LRFN5: variants seen among roughly 807,000 people sequenced by gnomAD.
The protein encoded by LRFN5 is leucine rich repeat and fibronectin type III domain containing 5.
LRFN5 carries 24 observed loss-of-function variants against 45.6 expected under a neutral mutation model. That is an observed-to-expected ratio of 0.53 (90% confidence interval 0.38 to 0.74). LRFN5 has a LOEUF of 0.74. LRFN5 is among the 30% of genes least tolerant of loss of function. LRFN5 has a pLI of 0.00. For synonymous variants in LRFN5, 340 were observed against 313.8 expected, an observed-to-expected ratio of 1.08 and a Z score of -0.88; for missense variants, 776 against 861.5, an observed-to-expected ratio of 0.90 and a Z score of 1.24.
chr14:41,723,140 A>G (rs376231347), intron 1 of LRFN5, among the ~76,000 whole-genome samples: 1 of 152,248 alleles, frequency 6.6e-6, no homozygotes, highest in Admixed American at 6.5e-5. Flanking sequence ...GCTCCACAAG[A>G]ATGGTGGGGT....
chr14:41,637,132 A>C (rs928941775), intron 1 of LRFN5, among the ~76,000 whole-genome samples: 1 of 152,114 alleles, frequency 6.6e-6, no homozygotes, highest in East Asian at 1.9e-4. Flanking sequence ...CATTCTGTAG[A>C]TATGCTTGAG....
intron 2 of LRFN5, among the ~76,000 whole-genome samples, chr14:41,846,041 A>C (rs1998553): frequency 0.11 from 15,917 of 141,442 alleles, 1,913 homozygotes; most frequent in East Asian, 0.46. Flanking sequence ...AAAACTAAAA[A>C]ACTGTACAGA....
At chr14:41,653,671 A>T (rs530765122) in intron 1 of LRFN5, among the ~76,000 whole-genome samples, 190 of 152,210 alleles carry the variant, frequency 1.2e-3, no homozygotes, top group Middle Eastern at 3.5e-3. Context: ...GCAGGAGAGT[A>T]ACTGGTCTGC....
At chr14:41,903,670 A>G (rs1302188443) in intron 5 of LRFN5, among the ~76,000 whole-genome samples, 3 of 151,818 alleles carry the variant, frequency 2.0e-5, no homozygotes, top group Non-Finnish European at 2.9e-5. Context: ...TGGGTGAAAA[A>G]CTGATTAGTT....
intron 2 of LRFN5, among the ~76,000 whole-genome samples, chr14:41,850,144 T>TTATGTACATGTATACTACTTGGAGC (rs1397447193): frequency 6.6e-6 from 1 of 151,948 alleles, no homozygotes; most frequent in African/African-American, 2.4e-5. Context: ...AGTGCATGTA[T>TTATGTACATGTATACTACTTGGAGC]TATGTACATG....
chr14:41,811,983 T>C (rs944507677), intron 2 of LRFN5, among the ~76,000 whole-genome samples: 3 of 152,150 alleles, frequency 2.0e-5, no homozygotes, highest in Admixed American at 1.3e-4. Context: ...ATATGGAGTA[T>C]AAGATAATTC....
At chr14:41,622,123 C>A (rs1178393597) in intron 1 of LRFN5, among the ~76,000 whole-genome samples, 4 of 117,228 alleles carry the variant, frequency 3.4e-5, no homozygotes, top group Non-Finnish European at 7.5e-5. Flanking sequence ...CTCTTTCCAT[C>A]CCTCTTTTTT....
chr14:41,837,872 TTC>T (rs1888716106), intron 2 of LRFN5, among the ~76,000 whole-genome samples: 1 of 152,224 alleles, frequency 6.6e-6, no homozygotes, highest in African/African-American at 2.4e-5. Context: ...TCTAATTTAA[TTC>T]TCTTTTATGG....
Position 41,829,779 on chromosome 14 carries a change from CT to C in LRFN5, c.-20-56820del, listed in dbSNP as rs1327542819. Among the ~76,000 whole-genome samples the C allele has an allele frequency of 2.0e-5, 3 of 151,284 alleles. No individual in the cohort carries two copies. In the East Asian group the frequency reaches 5.8e-4, roughly 29 times the overall value. On this transcript the variant is annotated intron_variant, in intron 2 of 5. Coordinates refer to ENST00000298119, the MANE Select transcript of LRFN5 (RefSeq NM_152447.5). Reference sequence around the variant, plus strand: ...TTTTTTGAACTTTCTGATTCCACACCTTTTTTTAGTAATACTTTTTTTTTAA... The same window carrying C: ...TTTTTTGAACTTTCTGATTCCACACCTTTTTTAGTAATACTTTTTTTTTAA...
chr14:41,881,588 T>C (rs1447592337), intron 2 of LRFN5, among the ~76,000 whole-genome samples: 1 of 152,104 alleles, frequency 6.6e-6, no homozygotes, highest in African/African-American at 2.4e-5. Flanking sequence ...ACTTCTACTA[T>C]TTATTCTGCC....
intron 3 of LRFN5, 38 bp from the exon 4 acceptor site, chr14:41,891,212 T>C (rs1359060510): frequency 6.5e-7 from 1 of 1,527,752 alleles, no homozygotes; most frequent in African/African-American, 1.4e-5. Flanking sequence ...GTGTTTTGTT[T>C]TGTTATTAAT....
intron 1 of LRFN5, among the ~76,000 whole-genome samples, chr14:41,673,005 T>C (rs1881308537): frequency 6.6e-6 from 1 of 152,018 alleles, no homozygotes; most frequent in Non-Finnish European, 1.5e-5. Flanking sequence ...AAGTTAAATA[T>C]ATGAGATTTT....
chr14:41,677,518 G>A (rs963368271), intron 1 of LRFN5, among the ~76,000 whole-genome samples: 2 of 152,016 alleles, frequency 1.3e-5, no homozygotes, highest in Admixed American at 6.6e-5. Context: ...TAATGGAAAT[G>A]CCTCATAAAA....
rs1885167229 is a variant in LRFN5, at chr14:41,752,266, T to C, written c.-196-14588T>C. Among the ~76,000 whole-genome samples, 3 of 152,288 alleles carry C rather than the reference T, an allele frequency of 2.0e-5. No individual in the cohort carries two copies. The South Asian group carries it at 6.2e-4, about 32-fold the overall frequency. ...TTATAGCAGCATGTTTTATAATCCTTTGAGTATATATCCAGTAATAGGATG... is the reference window on the plus strand; with the variant it reads ...TTATAGCAGCATGTTTTATAATCCTCTGAGTATATATCCAGTAATAGGATG... On this transcript the variant is annotated intron_variant, in intron 1 of 5. Transcript: ENST00000298119.
intron 2 of LRFN5, among the ~76,000 whole-genome samples, chr14:41,822,690 G>T (rs1239814623): frequency 4.6e-5 from 7 of 151,968 alleles, no homozygotes; most frequent in Non-Finnish European, 1.0e-4. Flanking sequence ...TAAGTACTCT[G>T]TTTCCTTGTT....
chr14:41,737,460 C>T (rs1375111040), intron 1 of LRFN5, among the ~76,000 whole-genome samples: 1 of 152,176 alleles, frequency 6.6e-6, no homozygotes, highest in African/African-American at 2.4e-5. Flanking sequence ...GATGCCGTCT[C>T]TCTCCACTCC....
intron 1 of LRFN5, among the ~76,000 whole-genome samples, chr14:41,626,169 T>G (rs968314632): frequency 1.3e-5 from 2 of 152,042 alleles, no homozygotes; most frequent in African/African-American, 4.8e-5. Context: ...TTCATAGTAA[T>G]AAAAAACAAA....
At chr14:41,756,138 G>T (rs893599722) in intron 1 of LRFN5, among the ~76,000 whole-genome samples, 1 of 152,174 alleles carries the variant, frequency 6.6e-6, no homozygotes, top group South Asian at 2.1e-4. Flanking sequence ...GAGATCAGCT[G>T]TTAGTCTGAT....
intron 1 of LRFN5, among the ~76,000 whole-genome samples, chr14:41,626,328 T>G (rs1888331051): frequency 1.3e-5 from 2 of 152,126 alleles, no homozygotes; most frequent in African/African-American, 4.8e-5. Flanking sequence ...CAAATTATTT[T>G]TCTATAAATA....
Sources: allele counts gnomAD v4.1 joint callset (sites outside exome capture counted in the v4.1 genomes callset), GRCh38; gene constraint gnomAD v4.1.1; transcripts MANE v1.5; gene names NCBI Gene and HGNC (gene_info 2026-07-23, HGNC 2026-07-21).